The following SHISA6 variants were observed in gnomAD, a reference collection of about 807,000 sequenced individuals.
SHISA6 encodes shisa family member 6, also known as protein shisa-6.
In SHISA6, 22 loss-of-function variants were observed where a neutral mutation model predicts 47.9. The ratio of observed to expected loss-of-function variants is 0.46; its 90% CI spans 0.33 to 0.66. The LOEUF (loss-of-function observed/expected upper bound fraction) is 0.66. SHISA6 is among the 30% of genes least tolerant of loss of function. The probability of loss-of-function intolerance (pLI) is 0.02; values close to 1 mark genes in which losing one functional copy is unlikely to be tolerated. For missense variants in SHISA6, 680 were observed against 764.6 expected, an observed-to-expected ratio of 0.89 and a Z score of 1.30; for synonymous variants, 388 against 337.8, an observed-to-expected ratio of 1.15 and a Z score of -1.63.
intron 3 of SHISA6, among the ~76,000 whole-genome samples, chr17:11,540,333 G>A (rs2071822947): frequency 6.6e-6 from 1 of 152,198 alleles, no homozygotes; most frequent in African/African-American, 2.4e-5. Context: ...AGAGAGCAGA[G>A]AGATGGAGGA....
At position 11,245,683 on chromosome 17, in the gene SHISA6, C is replaced by T. The variant is rs562867057; in HGVS notation, c.638+3623C>T. Among the ~76,000 whole-genome samples, 3 of 125,620 alleles carry T rather than the reference C, an allele frequency of 2.4e-5. No individual in the cohort carries two copies. In the South Asian group the frequency reaches 8.2e-4, roughly 34 times the overall value. The allele number at this position is 125,620 out of a possible 152,430, so 82.4% of individuals were successfully genotyped here. A position where few individuals can be genotyped will look rare whatever the true frequency, so the allele number is the denominator to read the frequency against. ...ATGCTGGAGACGCAGTTGGTGAAAT[C>T]AGAGCTGCCCTGGGTCCTTCCACTG... On this transcript the variant is annotated intron_variant, in intron 1 of 5. Transcript: ENST00000441885.
intron 2 of SHISA6, among the ~76,000 whole-genome samples, chr17:11,326,751 C>G (rs1245006903): frequency 6.6e-6 from 1 of 152,212 alleles, no homozygotes. Context: ...ATAGATTGAA[C>G]CACGAGTCAG....
chr17:11,558,209 T>C lies in SHISA6; in HGVS notation c.1561T>C (p.Phe521Leu). The C allele has an allele frequency of 6.5e-7, 1 of 1,542,728 alleles. No individual in the cohort carries two copies. Among genetic ancestry groups the C allele is most frequent in the Non-Finnish European group, 8.7e-7 (1 of 1,146,974 alleles). The stretch of plus-strand genomic sequence containing the variant: ...CCAGACGGCAGCCAAGCGTCATGCC[T>C]TTGCCTCACGCAGACACAACACGGT... Reference protein sequence around the residue: ...QSQTAAKRHAFASRRHNTVEQ... With the variant: ...QSQTAAKRHALASRRHNTVEQ... Residue 521 changes from phenylalanine to leucine, a missense_variant, in exon 6 of 6, where the codon TTT becomes CTT. Physicochemically the swap from Phe to Leu is conservative, Grantham distance 22. Around this residue, in one of 2 missense-constraint regions of SHISA6, gnomAD observed 559 missense variants for 674.1 expected, o/e 0.83. Coordinates refer to ENST00000441885, the MANE Select transcript of SHISA6 (RefSeq NM_207386.4).
intron 1 of SHISA6, among the ~76,000 whole-genome samples, chr17:11,248,084 T>G (rs1032078181): frequency 6.6e-6 from 1 of 152,070 alleles, no homozygotes; most frequent in African/African-American, 2.4e-5. Flanking sequence ...TCTAGTGTCT[T>G]TCTTTGCAGA....
At chr17:11,476,793 T>C (rs907636659) in intron 3 of SHISA6, among the ~76,000 whole-genome samples, 8 of 152,152 alleles carry the variant, frequency 5.3e-5, no homozygotes, top group African/African-American at 1.9e-4. Context: ...ATGGTGTTAT[T>C]GAGTTTAACT....
chr17:11,464,952 A>AAC (rs1425470531), intron 3 of SHISA6, among the ~76,000 whole-genome samples: 1 of 151,842 alleles, frequency 6.6e-6, no homozygotes, highest in African/African-American at 2.4e-5. Flanking sequence ...AAAAAAAAAA[A>AAC]AACCCTTTTA....
intron 2 of SHISA6, among the ~76,000 whole-genome samples, chr17:11,316,701 TG>T (rs1386476899): frequency 1.3e-5 from 2 of 151,984 alleles, no homozygotes; most frequent in Non-Finnish European, 2.9e-5. Context: ...ATTATAGGAG[TG>T]AGCTACCACG....
intron 2 of SHISA6, among the ~76,000 whole-genome samples, chr17:11,283,675 A>T (rs1407268508): frequency 6.6e-6 from 1 of 152,218 alleles, no homozygotes; most frequent in Non-Finnish European, 1.5e-5. Context: ...TAATGCATAG[A>T]TGTCATGTAA....
intron 1 of SHISA6, among the ~76,000 whole-genome samples, chr17:11,244,107 G>A (rs984658702): frequency 6.6e-6 from 1 of 152,126 alleles, no homozygotes; most frequent in Non-Finnish European, 1.5e-5. Context: ...AGGTGATTAC[G>A]GCATTGGGGC....
chr17:11,433,261 G>T (rs1187482786), intron 3 of SHISA6, among the ~76,000 whole-genome samples: 1 of 151,994 alleles, frequency 6.6e-6, no homozygotes, highest in Non-Finnish European at 1.5e-5. Context: ...GGCCCCGGTG[G>T]GTGATGTTCC....
chr17:11,373,173 T>C (rs118458), intron 2 of SHISA6, among the ~76,000 whole-genome samples: 137,934 of 151,532 alleles, frequency 0.91, 62,829 homozygotes, highest in East Asian at 0.99. Context: ...TCTTTCTTGG[T>C]GGATTTTTTC....
chr17:11,518,833 C>T (rs1597564947), intron 3 of SHISA6, among the ~76,000 whole-genome samples: 1 of 152,122 alleles, frequency 6.6e-6, no homozygotes, highest in Non-Finnish European at 1.5e-5. Flanking sequence ...TTATTTTGTA[C>T]CTTCTGTTTC....
chr17:11,348,733 A>G (rs1007451012), intron 2 of SHISA6, among the ~76,000 whole-genome samples: 42 of 152,068 alleles, frequency 2.8e-4, no homozygotes, highest in Admixed American at 5.9e-4. Flanking sequence ...CCTATATTTA[A>G]CAGTCTACCC....
chr17:11,486,842 A>G (rs1461998184), intron 3 of SHISA6, among the ~76,000 whole-genome samples: 4 of 152,250 alleles, frequency 2.6e-5, no homozygotes, highest in Non-Finnish European at 5.9e-5. Context: ...GCGCGAAAGA[A>G]ATAGGCAGAC....
chr17:11,408,632 A>G (rs919207708), intron 3 of SHISA6, among the ~76,000 whole-genome samples: 3 of 152,236 alleles, frequency 2.0e-5, no homozygotes, highest in African/African-American at 7.2e-5. Context: ...CCAAATTGTA[A>G]GAAGCTAGAC....
chr17:11,382,927 CCTTTTTTTT>C lies in SHISA6; in HGVS notation c.895+3419_895+3427del, dbSNP rs1485448603. On this transcript the variant is annotated intron_variant, in intron 3 of 5. Coordinates refer to ENST00000441885, the MANE Select transcript of SHISA6 (RefSeq NM_207386.4). Reference sequence around the variant, plus strand: ...TCTTAGTCGACATCAGTCCTGTCAGCCTTTTTTTTTTTTTTTTTTTTTTTTTTGAGACGG... The same window carrying C: ...TCTTAGTCGACATCAGTCCTGTCAGCTTTTTTTTTTTTTTTTTTGAGACGG... Among the ~76,000 whole-genome samples, 44 of 128,336 alleles carry C rather than the reference CCTTTTTTTT, an allele frequency of 3.4e-4. 2 individuals carry two copies. The highest frequency in any genetic ancestry group is 1.2e-3 in the African/African-American group (42 of 34,470). The allele number at this position is 128,336 out of a possible 152,430, so 84.2% of individuals were successfully genotyped here.
At chr17:11,484,012 C>A (rs932889578) in intron 3 of SHISA6, among the ~76,000 whole-genome samples, 57 of 134,258 alleles carry the variant, frequency 4.2e-4, no homozygotes, top group Non-Finnish European at 9.7e-5. Context: ...ATTGACTATT[C>A]AATAATTATT....
At chr17:11,441,151 C>A (rs114052872) in intron 3 of SHISA6, among the ~76,000 whole-genome samples, 80 of 152,324 alleles carry the variant, frequency 5.3e-4, no homozygotes, top group African/African-American at 1.8e-3. Context: ...CTTCTCAGTT[C>A]TTCTGCTGTC....
chr17:11,521,988 CAG>C (rs1272412434), intron 3 of SHISA6, among the ~76,000 whole-genome samples: 2 of 151,720 alleles, frequency 1.3e-5, no homozygotes, highest in Non-Finnish European at 2.9e-5. Flanking sequence ...TTTTTTGAGA[CAG>C]AGTCTCGCTC....
Sources: gnomAD v4.1 joint callset for allele counts (sites outside exome capture counted in the v4.1 genomes callset) on GRCh38, gnomAD v4.1.1 for gene constraint, gnomAD v4.1.1 regional missense constraint, MANE v1.5 for transcripts, NCBI Gene and HGNC (gene_info 2026-07-23, HGNC 2026-07-21) for gene names.